Variants in DPP6 observed in about 807,000 individuals in gnomAD.
DPP6 encodes the protein dipeptidyl peptidase like 6, also known as A-type potassium channel modulatory protein DPP6.
DPP6 carries 69 observed loss-of-function variants against 122.6 expected under a neutral mutation model. The ratio of observed to expected loss-of-function variants is 0.56; its 90% CI spans 0.46 to 0.69. The LOEUF (loss-of-function observed/expected upper bound fraction) is 0.69, where lower values mean the gene tolerates loss of function less well. Ranked by LOEUF, DPP6 falls within the 30% of genes least tolerant of loss-of-function variation. The probability of loss-of-function intolerance (pLI) is 0.00; values close to 1 mark genes in which losing one functional copy is unlikely to be tolerated. For synonymous variants in DPP6, 418 were observed against 433.1 expected, an observed-to-expected ratio of 0.97 and a Z score of 0.43; for missense variants, 928 against 1,116.9, an observed-to-expected ratio of 0.83 and a Z score of 2.41.
At chr7:154,868,139 C>T (rs370595329) in intron 18 of DPP6, 46 bp downstream of exon 18, 438 of 1,553,344 alleles carry the variant, frequency 2.8e-4, no homozygotes, top group Non-Finnish European at 3.4e-4. Context: ...AAAAAGAAAA[C>T]GTGGGCTGTG....
At chr7:154,180,912 T>G (rs1008709693) in intron 1 of DPP6, among the ~76,000 whole-genome samples, 24 of 152,188 alleles carry the variant, frequency 1.6e-4, no homozygotes, top group African/African-American at 5.8e-4. Context: ...CAATTAAATA[T>G]TAATCAGCTT....
At chr7:153,748,903 G>T in the DPP6 span, among the ~76,000 whole-genome samples, 7 of 150,558 alleles carry the variant, frequency 4.6e-5, no homozygotes, top group Admixed American at 4.6e-4. Flanking sequence ...ACGCGCCTAG[G>T]AAGTTTTGAA....
At chr7:154,234,190 A>G (rs1331804816) in intron 1 of DPP6, among the ~76,000 whole-genome samples, 1 of 152,208 alleles carries the variant, frequency 6.6e-6, no homozygotes, top group Non-Finnish European at 1.5e-5. Flanking sequence ...AACAGCAGGA[A>G]AAAGGTGACA....
In DPP6 at chr7:154,402,489, A is replaced by G. The variant is rs1414326837; in HGVS notation, c.244-43725A>G. ...TGGAAATCATCATTCTCAGTAAACTATCGCAAGAACAAAAAACCAAACACC... is the reference window on the plus strand; with the variant it reads ...TGGAAATCATCATTCTCAGTAAACTGTCGCAAGAACAAAAAACCAAACACC... On this transcript the variant is annotated intron_variant, in intron 1 of 25. Coordinates refer to ENST00000377770, the MANE Select transcript of DPP6 (RefSeq NM_130797.4). Among the ~76,000 whole-genome samples the G allele has an allele frequency of 4.6e-5, 7 of 151,004 alleles. No homozygotes were observed. The East Asian group carries it at 1.2e-3, about 25-fold the overall frequency.
Position 154,801,349 on chromosome 7 carries a change from C to G in DPP6, c.1300-6C>G. The G allele has an allele frequency of 6.3e-7, 1 of 1,577,988 alleles. No individual in the cohort carries two copies. The highest frequency in any genetic ancestry group is 2.3e-5 in the East Asian group (1 of 43,556). On this transcript the variant is annotated splice_polypyrimidine_tract_variant and splice_region_variant and intron_variant, in intron 12 of 25. Transcript: ENST00000377770. The stretch of plus-strand genomic sequence containing the variant: ...TTGTGGTTTCATCCGTGGCCTTTGT[C>G]CACAGAATGAAGAACCTGTGTTCTC...
intron 1 of DPP6, among the ~76,000 whole-genome samples, chr7:154,105,008 G>A (rs1366573317): frequency 6.6e-6 from 1 of 152,202 alleles, no homozygotes; most frequent in Admixed American, 6.5e-5. Context: ...CACGCCTGCG[G>A]TCCCAGCTAC....
At chr7:153,936,825 ATG>A (rs1801469688) in intron 1 of DPP6, among the ~76,000 whole-genome samples, 1 of 151,244 alleles carries the variant, frequency 6.6e-6, no homozygotes, top group African/African-American at 2.4e-5. Context: ...AAAAAAAGAA[ATG>A]TGAGAGGAAG....
chr7:154,393,495 AAG>A lies in DPP6; in HGVS notation c.244-52716_244-52715del, dbSNP rs149549888. 8.8e-3 allele frequency among the ~76,000 whole-genome samples: 1,346 copies of A among 152,180 alleles called. 16 individuals are homozygous for A. Among genetic ancestry groups the A allele is most frequent in the African/African-American group, 0.029 (1,218 of 41,500 alleles). On this transcript the variant is annotated intron_variant, in intron 1 of 25. Transcript: ENST00000377770. ...TGTTTTTCTGGGACTTGGGACTTAA[AAG>A]AGGGGAGTAGGCTGTGGATAAGCTT...
At chr7:154,328,853 A>G (rs1808670618) in intron 1 of DPP6, among the ~76,000 whole-genome samples, 1 of 152,082 alleles carries the variant, frequency 6.6e-6, no homozygotes, top group South Asian at 2.1e-4. Context: ...CAGAGCCAAA[A>G]CCTTGGGAAG....
At chr7:154,700,258 C>T (rs1840444383) in intron 7 of DPP6, among the ~76,000 whole-genome samples, 2 of 152,224 alleles carry the variant, frequency 1.3e-5, no homozygotes, top group African/African-American at 4.8e-5. Flanking sequence ...CGTCAAGTTT[C>T]TACAAGGTTC....
chr7:153,842,625 C>T, the DPP6 span, among the ~76,000 whole-genome samples: 4 of 152,254 alleles, frequency 2.6e-5, no homozygotes, highest in South Asian at 8.3e-4. Flanking sequence ...TTCAAACCAT[C>T]TGGGTTTTAC....
At chr7:153,898,433 CAG>C (rs1799500601) in intron 1 of DPP6, among the ~76,000 whole-genome samples, 1 of 152,044 alleles carries the variant, frequency 6.6e-6, no homozygotes, top group South Asian at 2.1e-4. Flanking sequence ...GCCTGGGTGA[CAG>C]AGTGAGACCT....
At chr7:154,858,186 A>C (rs1387667956) in intron 17 of DPP6, 1 of 152,224 alleles carries the variant, frequency 6.6e-6, no homozygotes, top group Non-Finnish European at 1.5e-5. Flanking sequence ...GTGCTGTGGC[A>C]AATACTTGAC....
intron 5 of DPP6, among the ~76,000 whole-genome samples, chr7:154,584,581 G>GT (rs1409356711): frequency 6.6e-6 from 1 of 152,212 alleles, no homozygotes; most frequent in East Asian, 1.9e-4. Flanking sequence ...GTGTTTATGT[G>GT]AAAGGAGTGT....
chr7:154,683,505 C>T (rs926840569), intron 7 of DPP6, among the ~76,000 whole-genome samples: 2 of 152,164 alleles, frequency 1.3e-5, no homozygotes, highest in Non-Finnish European at 2.9e-5. Flanking sequence ...TTCCCACCAT[C>T]ACCTCATGCC....
intron 1 of DPP6, among the ~76,000 whole-genome samples, chr7:154,323,748 G>A (rs1002356184): frequency 2.6e-5 from 4 of 152,174 alleles, no homozygotes; most frequent in African/African-American, 9.7e-5. Flanking sequence ...TGGGACAAGG[G>A]GGAGCCATGC....
intron 6 of DPP6, among the ~76,000 whole-genome samples, chr7:154,667,540 T>C (rs1287316121): frequency 2.0e-5 from 3 of 152,124 alleles, no homozygotes; most frequent in Non-Finnish European, 2.9e-5. Flanking sequence ...CTGGCTAACA[T>C]GGTGAAACTC....
At chr7:154,649,648 G>A (rs896286854) in intron 6 of DPP6, among the ~76,000 whole-genome samples, 9 of 152,186 alleles carry the variant, frequency 5.9e-5, no homozygotes, top group Non-Finnish European at 7.3e-5. Context: ...ATAGATCTGT[G>A]CCCTCAATGC....
intron 1 of DPP6, among the ~76,000 whole-genome samples, chr7:154,012,157 C>T (rs1032842057): frequency 2.6e-5 from 4 of 152,306 alleles, no homozygotes; most frequent in African/African-American, 4.8e-5. Context: ...GTTTAGTCCA[C>T]ATATTCAATT....
Sources: gnomAD v4.1 joint callset for allele counts (sites outside exome capture counted in the v4.1 genomes callset) on GRCh38, gnomAD v4.1.1 for gene constraint, MANE v1.5 for transcripts, NCBI Gene and HGNC (gene_info 2026-07-23, HGNC 2026-07-21) for gene names.